The following LEMD3 variants were observed in gnomAD, a reference collection of about 807,000 sequenced individuals.
LEMD3 encodes LEM domain containing 3.
In LEMD3, 33 loss-of-function variants were observed where a neutral mutation model predicts 95.2. The ratio of observed to expected loss-of-function variants is 0.35; its 90% CI spans 0.26 to 0.46. LEMD3 has a LOEUF of 0.46. Ranked by LOEUF, LEMD3 falls within the 20% of genes least tolerant of loss-of-function variation. The pLI, the probability that LEMD3 is intolerant of heterozygous loss-of-function variation, is 1.00. For missense variants in LEMD3, 1,210 were observed against 1,192.8 expected, an observed-to-expected ratio of 1.01 and a Z score of -0.21; for synonymous variants, 525 against 474.6, an observed-to-expected ratio of 1.11 and a Z score of -1.38.
At chr12:65,192,087 G>C (rs1869261905) in intron 1 of LEMD3, among the ~76,000 whole-genome samples, 1 of 149,260 alleles carries the variant, frequency 6.7e-6, no homozygotes, top group South Asian at 2.1e-4. Flanking sequence ...GACAAATATA[G>C]AAAGTTACAC....
chr12:65,248,295 G>GA lies in LEMD3; in HGVS notation c.*1976dup, dbSNP rs1435041523. ...CTGTTACTTGTCCTGTTAAAAAAAGGAAAAAATTCTAATTAAAAATTTATT... is the reference window on the plus strand; with the variant it reads ...CTGTTACTTGTCCTGTTAAAAAAAGGAAAAAAATTCTAATTAAAAATTTATT... On this transcript the variant is annotated 3_prime_UTR_variant, in exon 13 of 13. Coordinates refer to ENST00000308330, the MANE Select transcript of LEMD3 (RefSeq NM_014319.5). The GA allele has an allele frequency of 1.3e-5, 2 of 151,942 alleles. No individual in the cohort carries two copies. The highest frequency in any genetic ancestry group is 2.9e-5 in the Non-Finnish European group (2 of 67,942). The allele number at this position is 151,942 out of a possible 1,614,324, so 9.4% of individuals were successfully genotyped here. A position where few individuals can be genotyped will look rare whatever the true frequency, so the allele number is the denominator to read the frequency against.
chr12:65,242,014 A>C (rs1472376071), intron 9 of LEMD3, among the ~76,000 whole-genome samples: 2 of 152,198 alleles, frequency 1.3e-5, no homozygotes, highest in African/African-American at 4.8e-5. Context: ...TGTCCTGTAC[A>C]TGTATCCCAG....
chr12:65,175,999 T>C (rs965428777), intron 1 of LEMD3, among the ~76,000 whole-genome samples: 1 of 152,164 alleles, frequency 6.6e-6, no homozygotes. Context: ...TACCAAGTCC[T>C]GTAGTTCTGT....
In LEMD3 at chr12:65,180,867, T is replaced by A. The variant is rs145005650; in HGVS notation, c.1522+9749T>A. 2.9e-3 allele frequency among the ~76,000 whole-genome samples: 444 copies of A among 152,340 alleles called. 2 individuals carry two copies. Among genetic ancestry groups the A allele is most frequent in the African/African-American group, 0.01 (430 of 41,584 alleles). On this transcript the variant is annotated intron_variant, in intron 1 of 12. Transcript: ENST00000308330. ...TGGGTAGTAAGTATGCACCAATTGC[T>A]GTTCTGCCCTGAATATGACATGAAT... is the stretch of plus-strand genomic sequence containing the variant.
At chr12:65,203,224 C>T (rs1869657894) in intron 1 of LEMD3, among the ~76,000 whole-genome samples, 1 of 152,118 alleles carries the variant, frequency 6.6e-6, no homozygotes, top group Admixed American at 6.6e-5. Context: ...CAGGCCTTGG[C>T]AATGATCTTG....
chr12:65,208,955 T>C (rs1471276604), intron 1 of LEMD3, among the ~76,000 whole-genome samples: 1 of 152,128 alleles, frequency 6.6e-6, no homozygotes, highest in African/African-American at 2.4e-5. Flanking sequence ...TCTTCAGCTT[T>C]CTCTGTTACC....
intron 4 of LEMD3, among the ~76,000 whole-genome samples, chr12:65,221,252 T>C (rs922222603): frequency 6.6e-6 from 1 of 151,568 alleles, no homozygotes; most frequent in African/African-American, 2.4e-5. Context: ...CCTAAGTATC[T>C]AAATCTTTCT....
Position 65,210,974 on chromosome 12 carries a change from G to C in LEMD3, c.1560+11G>C, listed in dbSNP as rs761590727. On this transcript the variant is annotated intron_variant, in intron 2 of 12. Transcript: ENST00000308330. ...TTTGGAAAAATACAAGTAAGTAAAC[G>C]ATCATAATACTGATAATTTTGTGTC... 7 of 1,558,454 alleles carry C rather than the reference G, an allele frequency of 4.5e-6. No homozygotes were observed. In the African/African-American group the frequency reaches 9.5e-5, roughly 21 times the overall value.
At chr12:65,171,163 T>G (rs1349817257) in intron 1 of LEMD3, 45 bp downstream of exon 1, 16 of 1,601,940 alleles carry the variant, frequency 1.0e-5, no homozygotes, top group Non-Finnish European at 1.2e-5. Flanking sequence ...AGAATGTTGT[T>G]AGTGGTCCGC....
At chr12:65,225,395 C>G (rs1018255332) in intron 4 of LEMD3, among the ~76,000 whole-genome samples, 1 of 152,070 alleles carries the variant, frequency 6.6e-6, no homozygotes, top group African/African-American at 2.4e-5. Flanking sequence ...TGTAGACATT[C>G]TGGATTTCTT....
intron 1 of LEMD3, among the ~76,000 whole-genome samples, chr12:65,200,038 AACC>A: frequency 6.7e-6 from 1 of 148,718 alleles, no homozygotes; most frequent in South Asian, 2.4e-4. Flanking sequence ...TTGGGGGTGC[AACC>A]CCTGCACCCC....
intron 1 of LEMD3, among the ~76,000 whole-genome samples, chr12:65,189,685 A>G (rs539776792): frequency 9.2e-5 from 14 of 152,206 alleles, no homozygotes; most frequent in African/African-American, 2.9e-4. Flanking sequence ...GATAATCACA[A>G]TAAGACTAAT....
At chr12:65,179,079 A>G (rs1177131779) in intron 1 of LEMD3, among the ~76,000 whole-genome samples, 1 of 152,134 alleles carries the variant, frequency 6.6e-6, no homozygotes, top group Non-Finnish European at 1.5e-5. Context: ...ATAATACAAT[A>G]TTAAAACTAT....
In LEMD3 at chr12:65,213,087, A is replaced by AAGATAGATAGATAGATAGAT. The variant is rs147534273; in HGVS notation, c.1560+2134_1560+2153dup. ...GCCTGAGTGACAGAGCAAGACTGTA[A>AAGATAGATAGATAGATAGAT]AGATAGATAGATAGATAGATAGATA... On this transcript the variant is annotated intron_variant, in intron 2 of 12. Transcript: ENST00000308330. Among the ~76,000 whole-genome samples the AAGATAGATAGATAGATAGAT allele has an allele frequency of 7.1e-3, 1,081 of 152,004 alleles. 12 individuals are homozygous for AAGATAGATAGATAGATAGAT. The highest frequency in any genetic ancestry group is 0.025 in the African/African-American group (1,028 of 41,358).
At chr12:65,197,813 C>G (rs1869479152) in intron 1 of LEMD3, among the ~76,000 whole-genome samples, 1 of 151,980 alleles carries the variant, frequency 6.6e-6, no homozygotes, top group African/African-American at 2.4e-5. Context: ...CTCTTTATTC[C>G]CATTCAGTGA....
rs571152134 is a variant in LEMD3 at position 65,242,723 on chromosome 12, A to C, written c.2306-665A>C. ...TCTCCTTCTTAGACAACTATAATATAATAATAACCTTCTAACTGGTCATCT... is the reference window on the plus strand; with the variant it reads ...TCTCCTTCTTAGACAACTATAATATCATAATAACCTTCTAACTGGTCATCT... On this transcript the variant is annotated intron_variant, in intron 9 of 12. Transcript: ENST00000308330. Among the ~76,000 whole-genome samples, 4 of 152,266 alleles carry C rather than the reference A, an allele frequency of 2.6e-5. No individual in the cohort carries two copies. In the South Asian group the frequency reaches 8.3e-4, roughly 32 times the overall value.
chr12:65,188,547 C>T (rs1048770405), intron 1 of LEMD3, among the ~76,000 whole-genome samples: 1 of 152,140 alleles, frequency 6.6e-6, no homozygotes, highest in African/African-American at 2.4e-5. Context: ...TTTTGTTTTA[C>T]TGTTTACACG....
rs267607217 is a variant in LEMD3 at position 65,239,970 on chromosome 12, C to T, written c.1963C>T (p.Arg655Ter). ...TGTCGTTCTGCGTTACATGAAATAT[C>T]GATGGACAAAAGAAGAGGAGGAAAC... ...VCVVLRYMKYRWTKEEEETRQ... is the reference protein window; with the variant it reads ...VCVVLRYMKY Residue 655 changes from arginine to a stop codon, truncating the protein, a stop_gained, in exon 7 of 13, where the codon CGA (arginine) becomes TGA (stop). Transcript: ENST00000308330. LOFTEE classifies it high-confidence loss of function. 4 of 1,611,732 alleles carry T rather than the reference C, an allele frequency of 2.5e-6. No homozygotes were observed. The highest frequency in any genetic ancestry group is 3.4e-6 in the Non-Finnish European group (4 of 1,178,196).
At chr12:65,184,720 G>GT (rs1443321484) in intron 1 of LEMD3, among the ~76,000 whole-genome samples, 1 of 152,110 alleles carries the variant, frequency 6.6e-6, no homozygotes, top group Non-Finnish European at 1.5e-5. Flanking sequence ...ATCTCATTTA[G>GT]TTTTAAGAGT....
Sources: gnomAD v4.1 joint callset for allele counts (sites outside exome capture counted in the v4.1 genomes callset) on GRCh38, gnomAD v4.1.1 for gene constraint, MANE v1.5 for transcripts, NCBI Gene and HGNC (gene_info 2026-07-23, HGNC 2026-07-21) for gene names.